The following MAPK10 variants were observed in gnomAD, a reference collection of about 807,000 sequenced individuals.
MAPK10 encodes the protein mitogen-activated protein kinase 10, also known as JNK3 alpha protein kinase.
A neutral mutation model predicts 59.3 loss-of-function variants in MAPK10; 25 were observed. The observed-to-expected ratio is 0.42, with a 90% confidence interval of 0.31 to 0.59. The LOEUF (loss-of-function observed/expected upper bound fraction) is 0.59, where lower values mean the gene tolerates loss of function less well. Ranked by LOEUF, MAPK10 falls within the 20% of genes least tolerant of loss-of-function variation. The pLI, the probability that MAPK10 is intolerant of heterozygous loss-of-function variation, is 0.15. For synonymous variants in MAPK10, 190 were observed against 200.5 expected (o/e 0.95, Z 0.44); for missense variants, 351 against 568.9 (o/e 0.62, Z 3.90).
chr4:86,106,572 T>G (rs1157060449), intron 5 of MAPK10, among the ~76,000 whole-genome samples: 1 of 151,706 alleles, frequency 6.6e-6, no homozygotes, highest in African/African-American at 2.4e-5. Context: ...TCTAGAGGTC[T>G]TGGCCTGTGA....
intron 1 of MAPK10, among the ~76,000 whole-genome samples, chr4:86,474,909 C>T (rs1752946513): frequency 6.6e-6 from 1 of 152,128 alleles, no homozygotes; most frequent in Non-Finnish European, 1.5e-5. Context: ...TGATGACATT[C>T]CACCACAAAA....
chr4:86,174,864 C>T (rs1055173611), intron 3 of MAPK10, among the ~76,000 whole-genome samples: 8 of 152,050 alleles, frequency 5.3e-5, no homozygotes, highest in African/African-American at 1.9e-4. Flanking sequence ...CCAAGAACTA[C>T]CCTAGACACT....
At chr4:86,156,263 T>C (rs934833862) in intron 4 of MAPK10, among the ~76,000 whole-genome samples, 4 of 152,068 alleles carry the variant, frequency 2.6e-5, no homozygotes, top group Non-Finnish European at 4.4e-5. Context: ...TGCCATCCTC[T>C]AGCTCCAAGT....
At chr4:86,141,126 G>A (rs1001274859) in intron 4 of MAPK10, among the ~76,000 whole-genome samples, 1 of 152,124 alleles carries the variant, frequency 6.6e-6, no homozygotes, top group African/African-American at 2.4e-5. Context: ...TGTGACTTAG[G>A]TTTTAAAAGG....
rs141633390 is a variant in MAPK10 at position 86,069,653 on chromosome 4, A to G, written c.803-1698T>C. 1.3e-3 allele frequency among the ~76,000 whole-genome samples: 199 copies of G among 152,252 alleles called. 1 individual carries two copies. Among genetic ancestry groups the G allele is most frequent in the African/African-American group, 4.7e-3 (194 of 41,590 alleles). ...ACCTAAGTGCTTGTCATTATAAATT[A>G]TGAAGAGACATTTTTTAAACAGTTA... On this transcript the variant is annotated intron_variant, in intron 9 of 13. Transcript: ENST00000641462.
chr4:86,394,336 A>G (rs1742637072), intron 1 of MAPK10, among the ~76,000 whole-genome samples: 1 of 152,172 alleles, frequency 6.6e-6, no homozygotes, highest in Non-Finnish European at 1.5e-5. Context: ...TTGAGCAAAT[A>G]AAAATATGTC....
chr4:86,048,896 C>A (rs560067420), intron 11 of MAPK10, among the ~76,000 whole-genome samples: 4 of 152,054 alleles, frequency 2.6e-5, no homozygotes, highest in African/African-American at 9.6e-5. Flanking sequence ...CCCCTTCATA[C>A]CACTAATCTC....
At chr4:86,360,361 A>G (rs989020000), upstream of MAPK10, 1 of 180,166 alleles carries the variant, frequency 5.6e-6, no homozygotes, top group African/African-American at 2.4e-5. Flanking sequence ...AGCAGCACGG[A>G]GGAGCAAATA....
chr4:86,208,268 C>T (rs1490530155), intron 2 of MAPK10, among the ~76,000 whole-genome samples: 26 of 151,324 alleles, frequency 1.7e-4, no homozygotes, highest in African/African-American at 4.9e-4. Flanking sequence ...ATACCAAAGC[C>T]GGGCAGAGAC....
intron 4 of MAPK10, among the ~76,000 whole-genome samples, chr4:86,128,822 A>T (rs1319207879): frequency 6.6e-6 from 1 of 152,082 alleles, no homozygotes; most frequent in African/African-American, 2.4e-5. Flanking sequence ...GATGCATGAC[A>T]ACTATTAATT....
At chr4:86,435,777 A>T (rs1564863312) in intron 1 of MAPK10, among the ~76,000 whole-genome samples, 1 of 152,172 alleles carries the variant, frequency 6.6e-6, no homozygotes, top group Non-Finnish European at 1.5e-5. Context: ...TGCAGTTTTG[A>T]TAATTATAGG....
intron 1 of MAPK10, among the ~76,000 whole-genome samples, chr4:86,498,690 G>A (rs968716028): frequency 5.9e-5 from 9 of 152,136 alleles, no homozygotes; most frequent in African/African-American, 1.4e-4. Flanking sequence ...TTTATAAACC[G>A]TGGGTCACCA....
intron 2 of MAPK10, among the ~76,000 whole-genome samples, chr4:86,270,114 A>G (rs2094387494): frequency 6.6e-6 from 1 of 152,140 alleles, no homozygotes; most frequent in African/African-American, 2.4e-5. Context: ...TTTTAAAAGC[A>G]TTACACAATT....
intron 2 of MAPK10, among the ~76,000 whole-genome samples, chr4:86,196,992 A>G (rs1210445477): frequency 6.6e-6 from 1 of 152,094 alleles, no homozygotes; most frequent in Non-Finnish European, 1.5e-5. Flanking sequence ...ATCATGTAGC[A>G]TGATGCCTCC....
At chr4:86,477,250 T>G (rs1035755580) in intron 1 of MAPK10, among the ~76,000 whole-genome samples, 6 of 152,204 alleles carry the variant, frequency 3.9e-5, no homozygotes, top group Non-Finnish European at 7.3e-5. Flanking sequence ...GCCAGGCTTC[T>G]AAATCTCTTA....
chr4:86,071,410 G>A (rs1319775597), intron 9 of MAPK10, among the ~76,000 whole-genome samples: 1 of 126,430 alleles, frequency 7.9e-6, no homozygotes, highest in Admixed American at 7.4e-5. Context: ...GATCCCATTT[G>A]TCAATTTTGT....
At chr4:86,337,380 C>T (rs1722131493) in intron 2 of MAPK10, among the ~76,000 whole-genome samples, 1 of 152,124 alleles carries the variant, frequency 6.6e-6, no homozygotes, top group Non-Finnish European at 1.5e-5. Flanking sequence ...ACATATGAGT[C>T]AATTCAGATT....
chr4:86,049,047 G>A (rs766833973), intron 11 of MAPK10, among the ~76,000 whole-genome samples: 142 of 152,004 alleles, frequency 9.3e-4, no homozygotes, highest in Non-Finnish European at 1.4e-3. Context: ...ATATAAGAAA[G>A]CATTTGTGTA....
chr4:86,179,349 G>T (rs551644597), intron 3 of MAPK10, among the ~76,000 whole-genome samples: 15 of 152,000 alleles, frequency 9.9e-5, no homozygotes, highest in African/African-American at 1.4e-4. Context: ...ACCGATGAAA[G>T]AAATTAAAAA....
Sources: allele counts gnomAD v4.1 joint callset (sites outside exome capture counted in the v4.1 genomes callset), GRCh38; gene constraint gnomAD v4.1.1; transcripts MANE v1.5; gene names NCBI Gene and HGNC (gene_info 2026-07-23, HGNC 2026-07-21).